The following SDHB variants were observed in gnomAD, a reference collection of about 807,000 sequenced individuals.
The protein encoded by SDHB is succinate dehydrogenase complex iron sulfur subunit B.
In SDHB, 21 loss-of-function variants were observed where a neutral mutation model predicts 39.7. The ratio of observed to expected loss-of-function variants is 0.53; its 90% CI spans 0.37 to 0.76. The LOEUF (loss-of-function observed/expected upper bound fraction) is 0.76. SDHB is among the 30% of genes least tolerant of loss of function. SDHB has a pLI of 0.00. For missense variants in SDHB, 343 were observed against 350.9 expected, an observed-to-expected ratio of 0.98 and a Z score of 0.18; for synonymous variants, 118 against 117.0, an observed-to-expected ratio of 1.01 and a Z score of -0.06.
chr1:17,041,813 G>A (rs1043704418), intron 2 of SDHB, among the ~76,000 whole-genome samples: 2 of 152,194 alleles, frequency 1.3e-5, no homozygotes, highest in African/African-American at 4.8e-5. Flanking sequence ...TTCATGAACA[G>A]CATTTAGTGC....
Position 17,035,823 on chromosome 1 carries a change from G to C in SDHB, c.201-2678C>G, listed in dbSNP as rs1052829528. Among the ~76,000 whole-genome samples the C allele has an allele frequency of 7.9e-5, 12 of 151,996 alleles. 1 individual carries two copies. The highest frequency in any genetic ancestry group is 2.9e-4 in the African/African-American group (12 of 41,366). ...TGCAGTGAGCCGAGACCGCACCACT[G>C]CACTCCAGCCTGGGAGACAGAGCGA... On this transcript the variant is annotated intron_variant, in intron 2 of 7. Coordinates refer to ENST00000375499, the MANE Select transcript of SDHB (RefSeq NM_003000.3).
rs927103985 is a variant in SDHB, at chr1:17,044,899, T to G, written c.73-11A>C. 3 of 1,612,818 alleles carry G rather than the reference T, an allele frequency of 1.9e-6. No homozygotes were observed. The African/African-American group carries it at 4.0e-5, about 22-fold the overall frequency. ...GGCTCCTCGGGAGGCCTGAAATTTT[T>G]TAAAGTTCACAAAAAGGAAAAAAAA... On this transcript the variant is annotated splice_polypyrimidine_tract_variant and intron_variant, in intron 1 of 7. Transcript: ENST00000375499.
intron 5 of SDHB, among the ~76,000 whole-genome samples, chr1:17,026,931 T>G (rs146912914): frequency 1.1e-3 from 166 of 152,278 alleles, no homozygotes; most frequent in African/African-American, 3.8e-3. Context: ...GCATCTGGCC[T>G]TTTAAAAAAT....
At chr1:17,025,266 C>T (rs761555053) in intron 5 of SDHB, among the ~76,000 whole-genome samples, 2 of 151,924 alleles carry the variant, frequency 1.3e-5, no homozygotes, top group Admixed American at 6.6e-5. Flanking sequence ...AAAATGCTCA[C>T]AATAACATAA....
At chr1:17,042,259 T>G (rs564028831) in intron 2 of SDHB, among the ~76,000 whole-genome samples, 1 of 152,256 alleles carries the variant, frequency 6.6e-6, no homozygotes, top group Non-Finnish European at 1.5e-5. Flanking sequence ...AGCAAAATCA[T>G]GTAAGAGTAA....
At chr1:17,028,380 G>T (rs1006733400) in intron 4 of SDHB, among the ~76,000 whole-genome samples, 1 of 152,062 alleles carries the variant, frequency 6.6e-6, no homozygotes, top group Non-Finnish European at 1.5e-5. Flanking sequence ...TTAAACTCTG[G>T]CCACACTGTC....
chr1:17,049,765 C>A (rs1340863211), intron 1 of SDHB, among the ~76,000 whole-genome samples: 1 of 149,174 alleles, frequency 6.7e-6, no homozygotes, highest in Non-Finnish European at 1.5e-5. Context: ...CCTGCCTCAG[C>A]CTCCCAAGTA....
intron 3 of SDHB, among the ~76,000 whole-genome samples, chr1:17,029,150 G>C (rs535903988): frequency 5.4e-5 from 7 of 128,816 alleles, no homozygotes; most frequent in Non-Finnish European, 1.1e-4. Context: ...CTGTCACCCA[G>C]GCTGGAGTGC....
chr1:17,022,790 C>T, intron 6 of SDHB, 60 bp from the exon 7 acceptor site: 2 of 1,580,420 alleles, frequency 1.3e-6, no homozygotes, highest in South Asian at 1.1e-5. Flanking sequence ...GGCACCCTGG[C>T]TCAACTCAAA....
intron 2 of SDHB, among the ~76,000 whole-genome samples, chr1:17,044,325 ATT>A (rs1234004492): frequency 1.6e-4 from 23 of 140,956 alleles, no homozygotes; most frequent in South Asian, 2.2e-4. Flanking sequence ...TAACAACCTC[ATT>A]TTTTTTTTTT....
intron 3 of SDHB, among the ~76,000 whole-genome samples, chr1:17,031,670 G>T (rs1034961408): frequency 6.6e-6 from 1 of 152,192 alleles, no homozygotes; most frequent in Non-Finnish European, 1.5e-5. Context: ...GACTTGAAAT[G>T]CTTGAAATGT....
chr1:17,037,099 A>G (rs2078054345), intron 2 of SDHB, among the ~76,000 whole-genome samples: 1 of 152,192 alleles, frequency 6.6e-6, no homozygotes, highest in Admixed American at 6.5e-5. Context: ...GAGTCGGATT[A>G]GAAGGAAATA....
At chr1:17,028,286 C>T (rs1296571209) in intron 4 of SDHB, among the ~76,000 whole-genome samples, 2 of 152,144 alleles carry the variant, frequency 1.3e-5, no homozygotes, top group East Asian at 1.9e-4. Flanking sequence ...AAATTCTGTG[C>T]CCCATTATTC....
In SDHB at chr1:17,047,213, C is replaced by T. The variant is rs191534756; in HGVS notation, c.73-2325G>A. Among the ~76,000 whole-genome samples the T allele has an allele frequency of 1.1e-3, 167 of 150,182 alleles. 1 individual carries two copies. Among genetic ancestry groups the T allele is most frequent in the African/African-American group, 3.6e-3 (146 of 40,958 alleles). ...TCTACTAAAGATACAAAAATTAGCC[C>T]GGTGTGGTGGCACATGTCTGTAATC... On this transcript the variant is annotated intron_variant, in intron 1 of 7. Transcript: ENST00000375499.
chr1:17,032,190 G>C (rs958743910), intron 3 of SDHB, among the ~76,000 whole-genome samples: 1 of 151,326 alleles, frequency 6.6e-6, no homozygotes, highest in East Asian at 1.9e-4. Context: ...ACCATCATTA[G>C]TAATTATATT....
chr1:17,037,565 T>C (rs1308452187), intron 2 of SDHB, among the ~76,000 whole-genome samples: 1 of 152,142 alleles, frequency 6.6e-6, no homozygotes, highest in Non-Finnish European at 1.5e-5. Flanking sequence ...CAAGCAATTC[T>C]TGTGCCTTAG....
intron 7 of SDHB, among the ~76,000 whole-genome samples, chr1:17,020,342 C>A (rs1034125630): frequency 4.6e-5 from 7 of 152,184 alleles, no homozygotes; most frequent in African/African-American, 1.7e-4. Flanking sequence ...CGAGTCACTC[C>A]CCTCCCCACC....
At chr1:17,045,505 G>GGGA (rs1378368390) in intron 1 of SDHB, among the ~76,000 whole-genome samples, 2 of 152,028 alleles carry the variant, frequency 1.3e-5, no homozygotes, top group Non-Finnish European at 2.9e-5. Flanking sequence ...AGGCAGAAGT[G>GGGA]GGAGGACTGC....
rs2078030938 is a variant in SDHB, at chr1:17,032,858, G to GGAAA, written c.286+198_286+201dup. On this transcript the variant is annotated intron_variant, in intron 3 of 7. Coordinates refer to ENST00000375499, the MANE Select transcript of SDHB (RefSeq NM_003000.3). ...AACCACAGGATAGAATGCTCCTGAA[G>GGAAA]GAAAGTAAACTCAGAAACCAGAACT... 2.0e-5 allele frequency: 13 copies of GGAAA among 634,200 alleles called. No individual in the cohort carries two copies. The South Asian group carries it at 2.4e-4, about 12-fold the overall frequency. The allele number at this position is 634,200 out of a possible 1,614,324, so 39.3% of individuals were successfully genotyped here.
Sources: gnomAD v4.1 joint callset for allele counts (sites outside exome capture counted in the v4.1 genomes callset) on GRCh38, gnomAD v4.1.1 for gene constraint, MANE v1.5 for transcripts, NCBI Gene and HGNC (gene_info 2026-07-23, HGNC 2026-07-21) for gene names.